ATP13A5: variants seen among roughly 807,000 people sequenced by gnomAD.
ATP13A5 encodes probable cation-transporting ATPase 13A5.
ATP13A5 carries 149 observed loss-of-function variants against 150.2 expected under a neutral mutation model. The ratio of observed to expected loss-of-function variants is 0.99; its 90% CI spans 0.87 to 1.14. The LOEUF (loss-of-function observed/expected upper bound fraction) is 1.14. Ranked by LOEUF, ATP13A5 falls within the 50% of genes most tolerant of loss-of-function variation. The probability of loss-of-function intolerance (pLI) is 0.00; values close to 1 mark genes in which losing one functional copy is unlikely to be tolerated. For synonymous variants in ATP13A5, 497 were observed against 522.2 expected (o/e 0.95, Z 0.66); for missense variants, 1,383 against 1,449.3 (o/e 0.95, Z 0.74).
intron 9 of ATP13A5, among the ~76,000 whole-genome samples, chr3:193,340,653 A>G (rs1376870542): frequency 6.6e-6 from 1 of 152,210 alleles, no homozygotes. Flanking sequence ...CCTCTTCGCC[A>G]TAATTATCCC....
intron 22 of ATP13A5, among the ~76,000 whole-genome samples, chr3:193,305,899 G>A (rs1026937431): frequency 1.3e-5 from 2 of 152,182 alleles, no homozygotes; most frequent in East Asian, 1.9e-4. Flanking sequence ...ACATGCATGC[G>A]TGTGTGCATG....
chr3:193,305,649 G>T lies in ATP13A5; in HGVS notation c.2588C>A (p.Ala863Glu), dbSNP rs752423970. ...NDCGALKAAH[A>E]GISLSEQEAS... is the part of the protein sequence containing the mutation. ...TTCCTGCTCTGATAATGAAATGCCTGCATGAGCCGCTTTCAAAGCCTGGAA... is the reference window on the plus strand; with the variant it reads ...TTCCTGCTCTGATAATGAAATGCCTTCATGAGCCGCTTTCAAAGCCTGGAA... Residue 863 changes from alanine to glutamate, a missense_variant, in exon 23 of 30, where the codon GCA (alanine) becomes GAA (glutamate). Physicochemically the swap from Ala to Glu is moderately radical, Grantham distance 107. Coordinates refer to ENST00000342358, the MANE Select transcript of ATP13A5 (RefSeq NM_198505.4). 6.2e-7 allele frequency: 1 copy of T among 1,613,884 alleles called. No individual in the cohort carries two copies. Among genetic ancestry groups the T allele is most frequent in the Admixed American group, 1.7e-5 (1 of 59,998 alleles).
At chr3:193,308,379 A>G (rs112872931) in intron 21 of ATP13A5, among the ~76,000 whole-genome samples, 21 of 152,242 alleles carry the variant, frequency 1.4e-4, no homozygotes, top group African/African-American at 5.1e-4. Context: ...GGATTGCTTG[A>G]ACCTTGGAAG....
At chr3:193,298,996 A>G (rs975100120) in intron 25 of ATP13A5, 135 bp downstream of exon 25, 5 of 663,996 alleles carry the variant, frequency 7.5e-6, no homozygotes, top group Non-Finnish European at 1.3e-5. Flanking sequence ...TCCCAATATC[A>G]CTTTTAAAAA....
At chr3:193,331,369 TC>T in intron 11 of ATP13A5, 58 bp from the exon 12 acceptor site, 1 of 1,495,394 alleles carries the variant, frequency 6.7e-7, no homozygotes, top group Non-Finnish European at 9.0e-7. Flanking sequence ...CTGCCACCCT[TC>T]CTAGTGCCAA....
chr3:193,345,206 G>A, intron 7 of ATP13A5, 131 bp from the exon 8 acceptor site: 1 of 803,570 alleles, frequency 1.2e-6, no homozygotes, highest in Non-Finnish European at 2.1e-6. Flanking sequence ...AACTTCTTTT[G>A]ATGCTTCAGC....
chr3:193,358,905 G>A (rs1712894811), intron 5 of ATP13A5, among the ~76,000 whole-genome samples: 1 of 152,086 alleles, frequency 6.6e-6, no homozygotes, highest in Non-Finnish European at 1.5e-5. Flanking sequence ...TAGCTTTCCT[G>A]GTCCCTCTGT....
chr3:193,280,138 C>T (rs1203511547), intron 27 of ATP13A5, among the ~76,000 whole-genome samples: 4 of 152,212 alleles, frequency 2.6e-5, no homozygotes, highest in African/African-American at 9.6e-5. Flanking sequence ...GCAACCTCCG[C>T]CTCCCTGGTT....
intron 9 of ATP13A5, among the ~76,000 whole-genome samples, chr3:193,339,587 T>C (rs1231798947): frequency 6.6e-6 from 1 of 152,186 alleles, no homozygotes; most frequent in Non-Finnish European, 1.5e-5. Context: ...TCTTGAATAT[T>C]TTTCAAGAAA....
chr3:193,288,180 A>G (rs1445722774), intron 26 of ATP13A5, among the ~76,000 whole-genome samples: 2 of 152,172 alleles, frequency 1.3e-5, no homozygotes, highest in Non-Finnish European at 2.9e-5. Flanking sequence ...AGCATTGTTG[A>G]AATGAAAACA....
chr3:193,324,895 A>G lies in ATP13A5; in HGVS notation c.1643T>C (p.Leu548Pro), dbSNP rs2108866350. 2 of 1,614,154 alleles carry G rather than the reference A, an allele frequency of 1.2e-6. No homozygotes were observed. Among genetic ancestry groups the G allele is most frequent in the East Asian group, 4.5e-5 (2 of 44,884 alleles). Residue 548 changes from leucine to proline, a missense_variant, in exon 14 of 30, where the codon CTG (leucine) becomes CCG (proline). Around this residue, in one of 3 missense-constraint regions of ATP13A5, gnomAD observed 787 missense variants for 771.9 expected, o/e 1.02. Transcript: ENST00000342358. ...LLNGTIQGDP[L>P]DLKMFEGTAW... ...AGTGCCCTCAAACATTTTGAGGTCC[A>G]GAGGGTCTCCCTGGATGGTCCCATT...
chr3:193,356,703 A>G lies in ATP13A5; in HGVS notation c.537-2507T>C, dbSNP rs538561600. Among the ~76,000 whole-genome samples the G allele has an allele frequency of 2.0e-5, 3 of 152,322 alleles. No individual in the cohort carries two copies. The East Asian group carries it at 5.8e-4, about 29-fold the overall frequency. On this transcript the variant is annotated intron_variant, in intron 5 of 29. Coordinates refer to ENST00000342358, the MANE Select transcript of ATP13A5 (RefSeq NM_198505.4). ...ATTAACTCTATTTTTCTCCCTTCCA[A>G]CAACCTTTCTTTTCTTAGCAACAGC... is the stretch of plus-strand genomic sequence containing the variant.
intron 29 of ATP13A5, among the ~76,000 whole-genome samples, chr3:193,276,120 A>G (rs1438438066): frequency 6.6e-6 from 1 of 152,194 alleles, no homozygotes; most frequent in Non-Finnish European, 1.5e-5. Context: ...CTTTAAACAT[A>G]TATAATGAGG....
chr3:193,331,305 G>A lies in ATP13A5; in HGVS notation c.1279C>T (p.Pro427Ser). Residue 427 changes from proline to serine, a missense_variant, in exon 12 of 30, where the codon CCA becomes TCA. Around this residue, in one of 3 missense-constraint regions of ATP13A5, gnomAD observed 787 missense variants for 771.9 expected, o/e 1.02. Coordinates refer to ENST00000342358, the MANE Select transcript of ATP13A5 (RefSeq NM_198505.4). ...LGVYMYHGVP[P>S]KDTVTMALIL... The stretch of plus-strand genomic sequence containing the variant: ...AGGGCCATGGTCACAGTATCTTTTG[G>A]AGGAACCTGGGAGAGGACAGACATT... 6.2e-7 allele frequency: 1 copy of A among 1,612,682 alleles called. No individual in the cohort carries two copies. Among genetic ancestry groups the A allele is most frequent in the East Asian group, 2.2e-5 (1 of 44,844 alleles).
intron 11 of ATP13A5, among the ~76,000 whole-genome samples, chr3:193,333,153 A>T (rs1711701511): frequency 6.6e-6 from 1 of 150,394 alleles, no homozygotes; most frequent in African/African-American, 2.5e-5. Context: ...ACACACACAC[A>T]CACAAACACA....
At chr3:193,339,999 C>T (rs986004881) in intron 9 of ATP13A5, among the ~76,000 whole-genome samples, 4 of 152,146 alleles carry the variant, frequency 2.6e-5, no homozygotes, top group African/African-American at 9.7e-5. Flanking sequence ...CTCTTTTATG[C>T]TATTTGCATA....
At chr3:193,324,415 C>T (rs983699902) in intron 14 of ATP13A5, among the ~76,000 whole-genome samples, 6 of 152,154 alleles carry the variant, frequency 3.9e-5, no homozygotes, top group African/African-American at 7.2e-5. Context: ...ACATATGGCT[C>T]GTGGCTGCTC....
At chr3:193,345,750 A>G (rs749908446) in intron 7 of ATP13A5, among the ~76,000 whole-genome samples, 5 of 152,196 alleles carry the variant, frequency 3.3e-5, no homozygotes, top group Non-Finnish European at 5.9e-5. Flanking sequence ...ATAGAAGTAC[A>G]GAGTCCTTCT....
At chr3:193,307,476 TCCCC>T in intron 21 of ATP13A5, 107 bp from the exon 22 acceptor site, 1 of 1,314,506 alleles carries the variant, frequency 7.6e-7, no homozygotes, top group Non-Finnish European at 1.1e-6. Flanking sequence ...TATGTGTGTG[TCCCC>T]TGAACACACC....
Sources: gnomAD v4.1 joint callset for allele counts (sites outside exome capture counted in the v4.1 genomes callset) on GRCh38, gnomAD v4.1.1 for gene constraint, gnomAD v4.1.1 regional missense constraint, MANE v1.5 for transcripts, NCBI Gene and HGNC (gene_info 2026-07-23, HGNC 2026-07-21) for gene names.